KCNT2: variants seen among roughly 807,000 people sequenced by gnomAD.
KCNT2 encodes the protein potassium channel subfamily T member 2.
KCNT2 carries 67 observed loss-of-function variants against 153.8 expected under a neutral mutation model. The ratio of observed to expected loss-of-function variants is 0.44; its 90% CI spans 0.36 to 0.53. The LOEUF (loss-of-function observed/expected upper bound fraction) is 0.53. Among genes scored for constraint, KCNT2 ranks in the 20% least tolerant of loss-of-function variants. The pLI, the probability that KCNT2 is intolerant of heterozygous loss-of-function variation, is 0.00. For synonymous variants in KCNT2, 500 were observed against 458.8 expected (o/e 1.09, Z -1.15); for missense variants, 975 against 1,354.8 (o/e 0.72, Z 4.40).
chr1:196,324,263 G>C (rs1177009104), intron 19 of KCNT2, among the ~76,000 whole-genome samples: 2 of 151,882 alleles, frequency 1.3e-5, no homozygotes, highest in African/African-American at 4.8e-5. Flanking sequence ...ATAAACCAAA[G>C]TTAAGATATA....
At chr1:196,523,743 A>T (rs1653808748) in intron 1 of KCNT2, among the ~76,000 whole-genome samples, 1 of 152,328 alleles carries the variant, frequency 6.6e-6, no homozygotes, top group East Asian at 1.9e-4. Context: ...TCCTTAACTG[A>T]CTTAGCCTGG....
chr1:196,478,549 T>C (rs1678736605), intron 5 of KCNT2, among the ~76,000 whole-genome samples: 1 of 152,192 alleles, frequency 6.6e-6, no homozygotes, highest in South Asian at 2.1e-4. Context: ...TTGAAATCAC[T>C]ATGGTTCAAG....
intron 1 of KCNT2, among the ~76,000 whole-genome samples, chr1:196,566,886 T>C (rs1304344922): frequency 6.6e-6 from 1 of 152,114 alleles, no homozygotes; most frequent in Non-Finnish European, 1.5e-5. Context: ...AGATTGTTTT[T>C]TAAGCCAAGA....
intron 26 of KCNT2, among the ~76,000 whole-genome samples, chr1:196,236,559 G>C (rs923456871): frequency 6.6e-6 from 1 of 151,422 alleles, no homozygotes. Context: ...TATGTGTTTG[G>C]CTTCACTACA....
chr1:196,544,698 A>G (rs1558060730), intron 1 of KCNT2, among the ~76,000 whole-genome samples: 1 of 152,076 alleles, frequency 6.6e-6, no homozygotes, highest in Non-Finnish European at 1.5e-5. Context: ...TTTCTTTGGT[A>G]TGATTCCATA....
At chr1:196,516,291 G>A (rs948429403) in intron 1 of KCNT2, among the ~76,000 whole-genome samples, 1 of 152,050 alleles carries the variant, frequency 6.6e-6, no homozygotes, top group Non-Finnish European at 1.5e-5. Flanking sequence ...TTGCCTTAGG[G>A]CTCTGGGGAA....
chr1:196,544,782 A>G (rs534085917), intron 1 of KCNT2, among the ~76,000 whole-genome samples: 1 of 152,248 alleles, frequency 6.6e-6, no homozygotes, highest in South Asian at 2.1e-4. Context: ...TGCCCTGAGC[A>G]GCACAAAGGC....
intron 1 of KCNT2, among the ~76,000 whole-genome samples, chr1:196,563,687 C>T (rs1024753289): frequency 6.6e-6 from 1 of 151,876 alleles, no homozygotes; most frequent in Non-Finnish European, 1.5e-5. Context: ...GGTATTTATC[C>T]ATTTAACGCA....
intron 8 of KCNT2, among the ~76,000 whole-genome samples, chr1:196,457,851 G>C (rs1676812687): frequency 2.0e-5 from 3 of 151,842 alleles, no homozygotes; most frequent in Non-Finnish European, 2.9e-5. Flanking sequence ...ACAGGTGAGA[G>C]AGCCCCCACC....
chr1:196,472,628 T>C (rs1433140592), intron 5 of KCNT2, among the ~76,000 whole-genome samples: 1 of 152,196 alleles, frequency 6.6e-6, no homozygotes, highest in Non-Finnish European at 1.5e-5. Flanking sequence ...ATATAGTATG[T>C]CTAAAGCAAA....
intron 1 of KCNT2, among the ~76,000 whole-genome samples, chr1:196,521,541 A>G (rs1039404170): frequency 3.9e-5 from 6 of 152,220 alleles, no homozygotes; most frequent in African/African-American, 1.4e-4. Context: ...AAGGCATGGA[A>G]TCAACATAAA....
chr1:196,488,678 C>T (rs1320279542), intron 3 of KCNT2, among the ~76,000 whole-genome samples: 1 of 151,956 alleles, frequency 6.6e-6, no homozygotes. Context: ...TTTAATAACA[C>T]TGACATCTCC....
intron 1 of KCNT2, among the ~76,000 whole-genome samples, chr1:196,505,089 T>C (rs1311997795): frequency 1.3e-5 from 2 of 152,190 alleles, no homozygotes; most frequent in Non-Finnish European, 2.9e-5. Flanking sequence ...TTTAGGTTAA[T>C]TAGATCCCAT....
At chr1:196,486,239 G>T (rs926178913) in intron 3 of KCNT2, among the ~76,000 whole-genome samples, 3 of 151,856 alleles carry the variant, frequency 2.0e-5, no homozygotes, top group African/African-American at 7.2e-5. Context: ...TTACTTCCTT[G>T]CCATATATAT....
At chr1:196,526,796 C>G (rs754414431) in intron 1 of KCNT2, among the ~76,000 whole-genome samples, 2 of 152,030 alleles carry the variant, frequency 1.3e-5, no homozygotes, top group Non-Finnish European at 2.9e-5. Context: ...TTGTCTGTTC[C>G]TTAAATGTTA....
At chr1:196,273,767 T>C (rs1658295046) in intron 25 of KCNT2, among the ~76,000 whole-genome samples, 1 of 151,736 alleles carries the variant, frequency 6.6e-6, no homozygotes, top group Admixed American at 6.6e-5. Context: ...GACGGGACAA[T>C]GGTTATTCCA....
chr1:196,439,763 T>C (rs1003072911), intron 8 of KCNT2, among the ~76,000 whole-genome samples: 3 of 152,002 alleles, frequency 2.0e-5, no homozygotes, highest in Non-Finnish European at 2.9e-5. Flanking sequence ...GTTTACATCC[T>C]ACTTGAACTT....
intron 7 of KCNT2, among the ~76,000 whole-genome samples, chr1:196,467,148 C>T (rs1677692589): frequency 6.6e-6 from 1 of 151,978 alleles, no homozygotes; most frequent in South Asian, 2.1e-4. Flanking sequence ...CCTCAAAAGC[C>T]AGGAGTCCCA....
At chr1:196,273,263 C>T (rs1013305817) in intron 25 of KCNT2, among the ~76,000 whole-genome samples, 2 of 151,656 alleles carry the variant, frequency 1.3e-5, no homozygotes, top group African/African-American at 4.8e-5. Context: ...TTAATCTTTA[C>T]AATGGCAAAT....
Sources: allele counts gnomAD v4.1 joint callset (sites outside exome capture counted in the v4.1 genomes callset), GRCh38; gene constraint gnomAD v4.1.1; transcripts MANE v1.5; gene names NCBI Gene and HGNC (gene_info 2026-07-23, HGNC 2026-07-21).